The following GREM2 variants were observed in gnomAD, a reference collection of about 807,000 sequenced individuals.
GREM2 encodes gremlin-2.
GREM2 carries 11 observed loss-of-function variants against 14.2 expected under a neutral mutation model. That is an observed-to-expected ratio of 0.78 (90% CI 0.49 to 1.28). The LOEUF (loss-of-function observed/expected upper bound fraction) is 1.28, where lower values mean the gene tolerates loss of function less well. GREM2 is among the 50% of genes most tolerant of loss of function. The pLI is 0.00. For synonymous variants in GREM2, 98 were observed against 97.6 expected, an observed-to-expected ratio of 1.00 and a Z score of -0.02; for missense variants, 210 against 218.5, an observed-to-expected ratio of 0.96 and a Z score of 0.24.
intron 1 of GREM2, among the ~76,000 whole-genome samples, chr1:240,541,807 A>G (rs755244245): frequency 6.6e-6 from 1 of 151,958 alleles, no homozygotes; most frequent in Non-Finnish European, 1.5e-5. Context: ...CTGTTTCTAA[A>G]TCTGAGGGAA....
At chr1:240,503,158 C>A (rs1677605961) in intron 1 of GREM2, among the ~76,000 whole-genome samples, 1 of 152,202 alleles carries the variant, frequency 6.6e-6, no homozygotes, top group Non-Finnish European at 1.5e-5. Flanking sequence ...AGCCACTGTA[C>A]TCAGCAGCCC....
intron 1 of GREM2, among the ~76,000 whole-genome samples, chr1:240,562,168 G>A (rs1431254855): frequency 6.6e-6 from 1 of 152,180 alleles, no homozygotes; most frequent in Non-Finnish European, 1.5e-5. Flanking sequence ...TGTGCTTGGG[G>A]TGACAGTGGT....
At chr1:240,555,214 G>A (rs1293684603) in intron 1 of GREM2, among the ~76,000 whole-genome samples, 1 of 152,134 alleles carries the variant, frequency 6.6e-6, no homozygotes, top group Non-Finnish European at 1.5e-5. Context: ...GCCTTATTTT[G>A]TAATATTGAA....
chr1:240,598,939 CCAT>C (rs1221130753), intron 1 of GREM2, among the ~76,000 whole-genome samples: 1 of 95,266 alleles, frequency 1.0e-5, no homozygotes, highest in Admixed American at 1.1e-4. Context: ...ACCCACCCAT[CCAT>C]CCATCCATCC....
chr1:240,514,272 G>A (rs1048224454), intron 1 of GREM2, among the ~76,000 whole-genome samples: 6 of 139,640 alleles, frequency 4.3e-5, no homozygotes, highest in South Asian at 2.3e-4. Context: ...AAAAAAAAGC[G>A]TTTCAGAAAT....
intron 1 of GREM2, among the ~76,000 whole-genome samples, chr1:240,567,833 C>CTGCAT (rs1454158838): frequency 1.3e-5 from 2 of 152,130 alleles, no homozygotes; most frequent in Non-Finnish European, 2.9e-5. Context: ...AGCAGGCCAA[C>CTGCAT]TGCATTGGCT....
intron 1 of GREM2, among the ~76,000 whole-genome samples, chr1:240,568,791 A>G (rs962543817): frequency 2.0e-5 from 3 of 152,230 alleles, no homozygotes; most frequent in African/African-American, 7.2e-5. Context: ...ATAAAAAGAT[A>G]CTAGAAGTAA....
intron 1 of GREM2, among the ~76,000 whole-genome samples, chr1:240,591,069 C>T (rs752504550): frequency 6.6e-6 from 1 of 151,686 alleles, no homozygotes; most frequent in African/African-American, 2.4e-5. Flanking sequence ...CGTGAGCCAC[C>T]ATGCCCAGCC....
chr1:240,525,321 AGGAT>A (rs1678197053), intron 1 of GREM2, among the ~76,000 whole-genome samples: 1 of 152,096 alleles, frequency 6.6e-6, no homozygotes, highest in Admixed American at 6.5e-5. Context: ...GCAGGCCCAA[AGGAT>A]GGATCTTAAG....
intron 1 of GREM2, among the ~76,000 whole-genome samples, chr1:240,510,719 G>T (rs1243235762): frequency 2.0e-5 from 3 of 152,168 alleles, no homozygotes; most frequent in Non-Finnish European, 4.4e-5. Flanking sequence ...AATTCAGTCT[G>T]TGGTTAACAT....
At chr1:240,574,669 T>C (rs1429109574) in intron 1 of GREM2, among the ~76,000 whole-genome samples, 2 of 151,418 alleles carry the variant, frequency 1.3e-5, no homozygotes, top group Non-Finnish European at 1.5e-5. Flanking sequence ...GTGTCGAGGG[T>C]GTGGAAGAAG....
chr1:240,611,005 T>G (rs114972415), intron 1 of GREM2, among the ~76,000 whole-genome samples: 3,438 of 151,808 alleles, frequency 0.023, 52 homozygotes, highest in Non-Finnish European at 0.038. Flanking sequence ...TAACTATCTT[T>G]AAAATTTCAA....
At chr1:240,563,058 T>G (rs932674440) in intron 1 of GREM2, among the ~76,000 whole-genome samples, 1 of 149,654 alleles carries the variant, frequency 6.7e-6, no homozygotes, top group African/African-American at 2.5e-5. Context: ...ATGTGTATAG[T>G]GAGTGTGTAT....
At chr1:240,526,793 A>G (rs1001200768) in intron 1 of GREM2, among the ~76,000 whole-genome samples, 1 of 152,216 alleles carries the variant, frequency 6.6e-6, no homozygotes, top group Non-Finnish European at 1.5e-5. Flanking sequence ...AAAGTCCTTC[A>G]ATATTTACAC....
At chr1:240,587,639 A>AT (rs1348724605) in intron 1 of GREM2, among the ~76,000 whole-genome samples, 28 of 151,946 alleles carry the variant, frequency 1.8e-4, no homozygotes, top group Admixed American at 1.8e-3. Context: ...TTTTATGAGC[A>AT]TTTTTTCATG....
At chr1:240,562,941 TGTG>T (rs1679085945) in intron 1 of GREM2, among the ~76,000 whole-genome samples, 1 of 143,460 alleles carries the variant, frequency 7.0e-6, no homozygotes, top group African/African-American at 2.9e-5. Flanking sequence ...TGTGTGAGTG[TGTG>T]AGTGTGTATG....
chr1:240,558,457 A>G (rs1297206808), intron 1 of GREM2, among the ~76,000 whole-genome samples: 1 of 152,086 alleles, frequency 6.6e-6, no homozygotes, highest in East Asian at 1.9e-4. Context: ...GAAATTAATT[A>G]ATTAAATTAA....
chr1:240,608,106 T>C (rs1378500448), intron 1 of GREM2, among the ~76,000 whole-genome samples: 1 of 152,208 alleles, frequency 6.6e-6, no homozygotes, highest in Non-Finnish European at 1.5e-5. Context: ...TGTTCTCAGC[T>C]ATCAGATGTT....
intron 1 of GREM2, among the ~76,000 whole-genome samples, chr1:240,568,038 G>A (rs1394499691): frequency 6.6e-6 from 1 of 152,126 alleles, no homozygotes; most frequent in Non-Finnish European, 1.5e-5. Context: ...GAACTTGGGA[G>A]GTGGAGGTTG....
Sources: gnomAD v4.1 joint callset for allele counts (sites outside exome capture counted in the v4.1 genomes callset) on GRCh38, gnomAD v4.1.1 for gene constraint, MANE v1.5 for transcripts, NCBI Gene and HGNC (gene_info 2026-07-23, HGNC 2026-07-21) for gene names.